The following RC3H1 variants were observed in gnomAD, a reference collection of about 807,000 sequenced individuals.
The protein encoded by RC3H1 is ring finger and CCCH-type domains 1.
Under a neutral mutation model 138.2 loss-of-function variants are expected in RC3H1, and 50 were observed. The ratio of observed to expected loss-of-function variants is 0.36; its 90% confidence interval spans 0.29 to 0.46. The LOEUF (loss-of-function observed/expected upper bound fraction) is 0.46, where lower values mean the gene tolerates loss of function less well. Ranked by LOEUF, RC3H1 falls within the 20% of genes least tolerant of loss-of-function variation. The pLI is 1.00. For synonymous variants in RC3H1, 462 were observed against 489.1 expected, an observed-to-expected ratio of 0.94 and a Z score of 0.73; for missense variants, 1,031 against 1,388.1, an observed-to-expected ratio of 0.74 and a Z score of 4.09.
intron 9 of RC3H1, among the ~76,000 whole-genome samples, chr1:173,966,393 T>A (rs563595822): frequency 6.6e-6 from 1 of 152,264 alleles, no homozygotes; most frequent in African/African-American, 2.4e-5. Flanking sequence ...CAAGTCCATT[T>A]ACAACTGCTA....
intron 5 of RC3H1, among the ~76,000 whole-genome samples, chr1:173,982,462 T>G (rs1660865562): frequency 6.6e-6 from 1 of 152,180 alleles, no homozygotes; most frequent in African/African-American, 2.4e-5. Flanking sequence ...GGTAAGAAAT[T>G]GATATAGTTT....
chr1:173,992,867 A>G lies in RC3H1; in HGVS notation c.119T>C (p.Met40Thr), dbSNP rs373378422. The G allele has an allele frequency of 1.4e-5, 23 of 1,614,058 alleles. No homozygotes were observed. The highest frequency in any genetic ancestry group is 1.6e-5 in the Non-Finnish European group (19 of 1,180,042). Residue 40 changes from methionine (M) to threonine (T), a missense_variant, in exon 2 of 20, where the codon ATG becomes ACG. Coordinates refer to ENST00000367696, the MANE Select transcript of RC3H1 (RefSeq NM_172071.4). ...CTTGCGGTGGAGTTTATTCAGGCAC[A>G]TCTTGCAGACAGTATGGCCACAACC... is the stretch of plus-strand genomic sequence containing the variant. The part of the protein sequence containing the change: ...SLGCGHTVCK[M>T]CLNKLHRKAC...
chr1:173,963,948 A>T (rs1443054655), intron 11 of RC3H1, 25 bp downstream of exon 11: 1 of 1,589,610 alleles, frequency 6.3e-7, no homozygotes, highest in Non-Finnish European at 8.6e-7. Flanking sequence ...AAGAAAAGTT[A>T]GCAATATAAA....
chr1:173,995,617 G>A (rs571103176), intron 1 of RC3H1, among the ~76,000 whole-genome samples: 3 of 152,096 alleles, frequency 2.0e-5, no homozygotes, highest in South Asian at 2.1e-4. Context: ...ATGGTATTTG[G>A]TTACTATATG....
chr1:173,947,560 C>T lies in RC3H1; in HGVS notation c.2546G>A (p.Arg849Lys), dbSNP rs147466092. The T allele has an allele frequency of 6.2e-7, 1 of 1,613,992 alleles. No homozygotes were observed. The change falls in exon 15 of 20, where the codon AGG (arginine) becomes AAG (lysine). Residue 849 changes from arginine (R) to lysine (K), a missense_variant. Around this residue, in one of 7 missense-constraint regions of RC3H1, gnomAD observed 716 missense variants for 837.9 expected, o/e 0.85. Coordinates refer to ENST00000367696, the MANE Select transcript of RC3H1 (RefSeq NM_172071.4). ...TCTCTGAAGATCTAATCGCTGGTCC[C>T]TCATTCCTTTACTCTCCACATTCTG... ...EMMNVESKGMRDQRLDLQRRA... is the reference protein window; with the variant it reads ...EMMNVESKGMKDQRLDLQRRA...
At chr1:173,983,340 C>A in intron 4 of RC3H1, 78 bp downstream of exon 4, 1 of 1,528,508 alleles carries the variant, frequency 6.5e-7, no homozygotes, top group Non-Finnish European at 8.9e-7. Flanking sequence ...AAGAACTAGG[C>A]TTTGTACATC....
rs980316554 is a variant in RC3H1 at position 173,933,050 on chromosome 1, C to A, written c.*5671G>T. 1 of 151,750 alleles carries A rather than the reference C, an allele frequency of 6.6e-6. No individual in the cohort carries two copies. The highest frequency in any genetic ancestry group is 1.5e-5 in the Non-Finnish European group (1 of 67,884). 9.4% of individuals were successfully genotyped at this position (151,750 alleles called of 1,614,324 possible). A position where few individuals can be genotyped will look rare whatever the true frequency, so the allele number is the denominator to read the frequency against. ...ACCTCAATACAAGAAAACAAGTCAC[C>A]TTATCTAGTATAAAATAAACATTAG... On this transcript the variant is annotated 3_prime_UTR_variant, in exon 20 of 20. Coordinates refer to ENST00000367696, the MANE Select transcript of RC3H1 (RefSeq NM_172071.4).
chr1:173,943,126 A>G (rs1435281145), intron 18 of RC3H1, among the ~76,000 whole-genome samples: 1 of 152,178 alleles, frequency 6.6e-6, no homozygotes. Flanking sequence ...AGTAAACACC[A>G]TCCTATTTGC....
At chr1:173,972,890 T>C (rs892479968) in intron 7 of RC3H1, among the ~76,000 whole-genome samples, 1 of 152,174 alleles carries the variant, frequency 6.6e-6, no homozygotes, top group Non-Finnish European at 1.5e-5. Flanking sequence ...GTGGTAACTG[T>C]CATTAGACTC....
At chr1:173,971,257 C>G (rs1347574624) in intron 8 of RC3H1, among the ~76,000 whole-genome samples, 1 of 152,054 alleles carries the variant, frequency 6.6e-6, no homozygotes, top group East Asian at 1.9e-4. Context: ...GCCACTGTGC[C>G]CAGCCCATTT....
intron 1 of RC3H1, among the ~76,000 whole-genome samples, chr1:174,007,650 C>G (rs983770959): frequency 6.6e-6 from 1 of 152,032 alleles, no homozygotes; most frequent in Non-Finnish European, 1.5e-5. Context: ...TTTTTGTAGA[C>G]ATGGGCTATA....
At chr1:174,018,193 T>C (rs1056664821) in intron 1 of RC3H1, among the ~76,000 whole-genome samples, 17 of 152,058 alleles carry the variant, frequency 1.1e-4, no homozygotes, top group African/African-American at 4.1e-4. Context: ...ATTCATAATA[T>C]ATACATACAG....
intron 13 of RC3H1, among the ~76,000 whole-genome samples, chr1:173,955,263 T>TACAACAACA (rs72151707): frequency 7.6e-6 from 1 of 131,772 alleles, no homozygotes; most frequent in Non-Finnish European, 1.6e-5. Flanking sequence ...ACAATCTTCA[T>TACAACAACA]ACAACAACAA....
At chr1:174,021,956 C>T (rs1661972060) in intron 1 of RC3H1, 140 bp downstream of exon 1, 2 of 377,186 alleles carry the variant, frequency 5.3e-6, no homozygotes, top group Admixed American at 9.1e-5. Flanking sequence ...GAGCCTGGGG[C>T]CGGCCGGGCT....
At position 173,932,625 on chromosome 1, in the gene RC3H1, C is replaced by G. The variant is rs1242251851; in HGVS notation, c.*6096G>C. The G allele has an allele frequency of 6.6e-6, 1 of 151,878 alleles. No homozygotes were observed. The highest frequency in any genetic ancestry group is 1.5e-5 in the Non-Finnish European group (1 of 67,930). 9.4% of individuals were successfully genotyped at this position (151,878 alleles called of 1,614,324 possible). On this transcript the variant is annotated 3_prime_UTR_variant, in exon 20 of 20. Transcript: ENST00000367696. ...GTGAAAATTTAGGCCAACGATCCAT[C>G]TGGAAAAAATAACTCTCAAGACAGT...
At chr1:173,972,752 A>T in intron 7 of RC3H1, 125 bp from the exon 8 acceptor site, 1 of 650,472 alleles carries the variant, frequency 1.5e-6, no homozygotes. Flanking sequence ...AGCTTTTTAG[A>T]TAATAGCTTA....
intron 13 of RC3H1, among the ~76,000 whole-genome samples, chr1:173,956,186 T>G (rs929337794): frequency 6.7e-6 from 1 of 148,668 alleles, no homozygotes; most frequent in Non-Finnish European, 1.5e-5. Flanking sequence ...CTGTTCTGAA[T>G]GACTTAAATG....
chr1:174,002,198 C>T (rs1661577290), intron 1 of RC3H1, among the ~76,000 whole-genome samples: 1 of 152,134 alleles, frequency 6.6e-6, no homozygotes, highest in Non-Finnish European at 1.5e-5. Context: ...CAAGACTAAA[C>T]AGTTTTCCAG....
chr1:173,985,705 C>G (rs951609841), intron 2 of RC3H1, among the ~76,000 whole-genome samples: 1 of 151,966 alleles, frequency 6.6e-6, no homozygotes, highest in African/African-American at 2.4e-5. Flanking sequence ...AGTCACTGTT[C>G]TGTGCAATAG....
Sources: allele counts gnomAD v4.1 joint callset (sites outside exome capture counted in the v4.1 genomes callset), GRCh38; gene constraint gnomAD v4.1.1; regional missense constraint gnomAD v4.1.1; transcripts MANE v1.5; gene names NCBI Gene and HGNC (gene_info 2026-07-23, HGNC 2026-07-21).